ZNF503: variants seen among roughly 807,000 people sequenced by gnomAD.
ZNF503 encodes NocA-like zinc finger 2.
A neutral mutation model predicts 34.4 loss-of-function variants in ZNF503; 15 were observed. The ratio of observed to expected loss-of-function variants is 0.44; its 90% confidence interval spans 0.29 to 0.67. The LOEUF (loss-of-function observed/expected upper bound fraction) is 0.67. Ranked by LOEUF, ZNF503 falls within the 30% of genes least tolerant of loss-of-function variation. The probability of loss-of-function intolerance (pLI) is 0.13; values close to 1 mark genes in which losing one functional copy is unlikely to be tolerated. For missense variants in ZNF503, 1,007 were observed against 926.8 expected (o/e 1.09, Z -1.12); for synonymous variants, 580 against 456.8 (o/e 1.27, Z -3.44).
chr10:75,383,279 C>A, the ZNF503 span, among the ~76,000 whole-genome samples: 17 of 152,286 alleles, frequency 1.1e-4, no homozygotes, highest in East Asian at 2.3e-3. Context: ...TGGGGAAAAA[C>A]CAGAATTTTC....
the ZNF503 span, among the ~76,000 whole-genome samples, chr10:75,303,470 G>T: frequency 5.9e-5 from 9 of 152,222 alleles, no homozygotes; most frequent in African/African-American, 1.7e-4. Flanking sequence ...TTGGATCCAC[G>T]TTGTACCATG....
chr10:75,376,097 T>G, the ZNF503 span, among the ~76,000 whole-genome samples: 31 of 152,298 alleles, frequency 2.0e-4, no homozygotes, highest in African/African-American at 7.2e-4. Flanking sequence ...TTCTGGACCT[T>G]GGATTATCAG....
Position 75,398,581 on chromosome 10 carries a change from C to G in ZNF503, c.*168G>C, listed in dbSNP as rs1843732419. On this transcript the variant is annotated 3_prime_UTR_variant, in exon 2 of 2. Transcript: ENST00000372524. ...GGAGAAGGGGAGTGTCCCACCGGGT[C>G]TCGGTCGCTGCTGTCGGGTAGATAG... 1.9e-6 allele frequency: 1 copy of G among 516,788 alleles called. No individual in the cohort carries two copies. The highest frequency in any genetic ancestry group is 3.0e-6 in the Non-Finnish European group (1 of 334,728). 32.0% of individuals were successfully genotyped at this position (516,788 alleles called of 1,614,324 possible).
Position 75,401,295 on chromosome 10 carries a change from C to A in ZNF503, c.125G>T (p.Gly42Val), listed in dbSNP as rs756952833. 3.1e-5 allele frequency: 48 copies of A among 1,564,788 alleles called. No homozygotes were observed. The highest frequency in any genetic ancestry group is 3.3e-4 in the Middle Eastern group (2 of 5,974). The change falls in exon 1 of 2, where the codon GGC becomes GTC. Residue 42 changes from glycine (G) to valine (V), a missense_variant. Coordinates refer to ENST00000372524, the MANE Select transcript of ZNF503 (RefSeq NM_032772.6). Reference protein sequence around the residue: ...WTSALSGNSSGPGPGSSPAGS... With the variant: ...WTSALSGNSSVPGPGSSPAGS... Reference sequence around the variant, plus strand: ...GGCCGGGGACGAGCCTGGGCCGGGGCCGGAGCTATTTCCAGAGAGCGCGCT... The same window carrying A: ...GGCCGGGGACGAGCCTGGGCCGGGGACGGAGCTATTTCCAGAGAGCGCGCT...
chr10:75,361,196 T>G, the ZNF503 span: 1 of 152,242 alleles, frequency 6.6e-6, no homozygotes, highest in South Asian at 2.1e-4. Context: ...ACTTAGTTTC[T>G]TCTGTCATCT....
chr10:75,314,589 G>A, the ZNF503 span, among the ~76,000 whole-genome samples: 1 of 152,162 alleles, frequency 6.6e-6, no homozygotes, highest in East Asian at 1.9e-4. Context: ...CATTATGGGA[G>A]TCTCATAAGG....
At chr10:75,382,464 G>A in the ZNF503 span, 4 of 615,530 alleles carry the variant, frequency 6.5e-6, no homozygotes, top group Non-Finnish European at 5.5e-6. Flanking sequence ...CTGGCTGTGT[G>A]TCCCCAGAAG....
At chr10:75,324,517 G>C in the ZNF503 span, among the ~76,000 whole-genome samples, 1 of 152,004 alleles carries the variant, frequency 6.6e-6, no homozygotes, top group East Asian at 1.9e-4. Context: ...TTTAGAGACA[G>C]GGTTTGGCTT....
rs753189133 is a variant in ZNF503, at chr10:75,399,468, C to T, written c.1222G>A (p.Ala408Thr). 6.3e-7 allele frequency: 1 copy of T among 1,582,132 alleles called. No individual in the cohort carries two copies. Among genetic ancestry groups the T allele is most frequent in the South Asian group, 1.1e-5 (1 of 89,134 alleles). ...GCTCCGGCCAAAGGGCTGGAGCCGG[C>T]CGGCTTACTGCAGCCCAGAGACCCG... ...AAGSLGCSKP[A>T]GSSPLAGASP... Residue 408 changes from alanine (A) to threonine (T), a missense_variant, in exon 2 of 2, where the codon GCC (alanine) becomes ACC (threonine). Coordinates refer to ENST00000372524, the MANE Select transcript of ZNF503 (RefSeq NM_032772.6).
chr10:75,316,170 C>G, the ZNF503 span, among the ~76,000 whole-genome samples: 7 of 152,142 alleles, frequency 4.6e-5, no homozygotes, highest in Admixed American at 4.6e-4. Context: ...AACATCCAGA[C>G]AGAAAATCAA....
the ZNF503 span, among the ~76,000 whole-genome samples, chr10:75,301,997 G>A: frequency 2.6e-5 from 4 of 152,122 alleles, no homozygotes; most frequent in Non-Finnish European, 5.9e-5. Context: ...ACCATGTGGG[G>A]TCATTTCTGT....
the ZNF503 span, among the ~76,000 whole-genome samples, chr10:75,352,696 A>G: frequency 6.6e-6 from 1 of 152,230 alleles, no homozygotes; most frequent in Non-Finnish European, 1.5e-5. Flanking sequence ...CAGATTGGGC[A>G]CATTCTCATG....
At chr10:75,354,716 C>G in the ZNF503 span, among the ~76,000 whole-genome samples, 1 of 152,018 alleles carries the variant, frequency 6.6e-6, no homozygotes, top group Non-Finnish European at 1.5e-5. Flanking sequence ...TCTCTTAAAA[C>G]AAAACAAAAC....
chr10:75,328,776 C>T, the ZNF503 span, among the ~76,000 whole-genome samples: 5 of 136,982 alleles, frequency 3.7e-5, no homozygotes, highest in African/African-American at 1.4e-4. Context: ...GACGAAGTCT[C>T]GCTCTTGTCT....
At chr10:75,350,418 A>C in the ZNF503 span, 2 of 152,164 alleles carry the variant, frequency 1.3e-5, no homozygotes, top group Non-Finnish European at 2.9e-5. Flanking sequence ...ACCGTGTGAA[A>C]CCTGAAGTCC....
chr10:75,353,094 A>G, the ZNF503 span, among the ~76,000 whole-genome samples: 1 of 152,260 alleles, frequency 6.6e-6, no homozygotes, highest in Non-Finnish European at 1.5e-5. Flanking sequence ...CTGCTGGTTA[A>G]ATGGCTTTAA....
the ZNF503 span, among the ~76,000 whole-genome samples, chr10:75,337,061 C>T: frequency 6.6e-6 from 1 of 152,194 alleles, no homozygotes; most frequent in Admixed American, 6.5e-5. Flanking sequence ...TGGTGGCTCA[C>T]ACCTGTAATC....
At chr10:75,304,226 C>G in the ZNF503 span, among the ~76,000 whole-genome samples, 11 of 152,260 alleles carry the variant, frequency 7.2e-5, no homozygotes, top group Non-Finnish European at 1.6e-4. Context: ...ATCAGGTGAA[C>G]AGCATAAACA....
the ZNF503 span, among the ~76,000 whole-genome samples, chr10:75,333,068 CT>C: frequency 0.016 from 2,286 of 146,458 alleles, 55 homozygotes; most frequent in East Asian, 0.036. Flanking sequence ...AGAGGCGCCC[CT>C]CACCTCCCAG....
Sources: allele counts gnomAD v4.1 joint callset (sites outside exome capture counted in the v4.1 genomes callset), GRCh38; gene constraint gnomAD v4.1.1; transcripts MANE v1.5; gene names NCBI Gene and HGNC (gene_info 2026-07-23, HGNC 2026-07-21).